The following NTHL1 variants were observed in gnomAD, a reference collection of about 807,000 sequenced individuals.
NTHL1 encodes the protein endonuclease III-like protein 1.
Under a neutral mutation model 32.3 loss-of-function variants are expected in NTHL1, and 32 were observed. That is an observed-to-expected ratio of 0.99 (90% confidence interval 0.75 to 1.33). NTHL1 has a LOEUF of 1.33. NTHL1 is among the 40% of genes most tolerant of loss of function. The pLI is 0.00. For missense variants in NTHL1, 501 were observed against 414.1 expected (o/e 1.21, Z -1.82); for synonymous variants, 188 against 176.9 (o/e 1.06, Z -0.50).
At chr16:2,040,617 C>T (rs1027980659) in intron 4 of NTHL1, 4 of 381,754 alleles carry the variant, frequency 1.0e-5, no homozygotes, top group East Asian at 5.8e-5. Flanking sequence ...AGCGACAGCT[C>T]GCTTGGACAA....
At position 2,040,065 on chromosome 16, in the gene NTHL1, G is replaced by T. The variant is rs2150938032; in HGVS notation, c.792-18C>A. The T allele has an allele frequency of 6.2e-7, 1 of 1,612,584 alleles. No homozygotes were observed. The highest frequency in any genetic ancestry group is 8.5e-7 in the Non-Finnish European group (1 of 1,180,006). On this transcript the variant is annotated intron_variant, in intron 5 of 5. Transcript: ENST00000651570. ...ACAGCTCCCTGTGGGGGTGGGGGCT[G>T]GGTCAGTGCTGACAGAGGGCGGGCG... is the stretch of plus-strand genomic sequence containing the variant.
At chr16:2,045,355 G>A (rs1056885663) in intron 2 of NTHL1, among the ~76,000 whole-genome samples, 1 of 152,034 alleles carries the variant, frequency 6.6e-6, no homozygotes, top group African/African-American at 2.4e-5. Context: ...AACCCAACAC[G>A]ATCGTATCTG....
chr16:2,046,225 T>C lies in NTHL1; in HGVS notation c.257A>G (p.Gln86Arg), dbSNP rs369262985. Residue 86 changes from glutamine (Q) to arginine (R), a missense_variant, in exon 2 of 6, where the codon CAA (glutamine) becomes CGA (arginine). By Grantham distance (43) the Gln-to-Arg change is conservative. Transcript: ENST00000651570. The part of the protein sequence containing the change: ...VPVWEPQDWQ[Q>R]QLVNIRAMRN... ...CATGGCACGGATGTTGACCAGCTGTTGCTGCCAGTCCTGGGGCTCCCAGAC... is the reference window on the plus strand; with the variant it reads ...CATGGCACGGATGTTGACCAGCTGTCGCTGCCAGTCCTGGGGCTCCCAGAC... 6 of 1,613,104 alleles carry C rather than the reference T, an allele frequency of 3.7e-6. No individual in the cohort carries two copies. The African/African-American group carries it at 6.7e-5, about 18-fold the overall frequency.
chr16:2,045,423 C>A (rs2084331899), intron 2 of NTHL1, among the ~76,000 whole-genome samples: 1 of 152,126 alleles, frequency 6.6e-6, no homozygotes, highest in Non-Finnish European at 1.5e-5. Context: ...CGTGAATCAT[C>A]ACACTACCCT....
intron 1 of NTHL1, 149 bp downstream of exon 1, chr16:2,047,560 G>A (rs1480547719): frequency 3.9e-6 from 5 of 1,290,052 alleles, no homozygotes; most frequent in African/African-American, 1.5e-5. Flanking sequence ...CGCAAGGTGG[G>A]AACGCAGGGC....
chr16:2,045,522 C>T (rs759156959), intron 2 of NTHL1, among the ~76,000 whole-genome samples: 20 of 152,208 alleles, frequency 1.3e-4, no homozygotes, highest in Non-Finnish European at 2.5e-4. Flanking sequence ...CTGCAACCTC[C>T]GCCTCCGGGG....
chr16:2,044,555 G>A lies in NTHL1; in HGVS notation c.525+75C>T, dbSNP rs2084314646. On this transcript the variant is annotated intron_variant, in intron 3 of 5. Transcript: ENST00000651570. The surrounding 1 kb of genome is among the most constrained non-coding windows in gnomAD (Gnocchi z 5.0). Reference sequence around the variant, plus strand: ...CTTGACCCTCACTTCCTGCACCGTCGCCACCCCCCTCAGCCTTCTGAGGTC... The same window carrying A: ...CTTGACCCTCACTTCCTGCACCGTCACCACCCCCCTCAGCCTTCTGAGGTC... 7.6e-6 allele frequency: 12 copies of A among 1,576,328 alleles called. No individual in the cohort carries two copies. The highest frequency in any genetic ancestry group is 2.2e-5 in the South Asian group (2 of 90,420).
chr16:2,046,257 C>G lies in NTHL1; in HGVS notation c.225G>C (p.Lys75Asn), dbSNP rs1432630427. ...SEKGEGAEPLKVPVWEPQDWQ... is the reference protein window; with the variant it reads ...SEKGEGAEPLNVPVWEPQDWQ... Reference sequence around the variant, plus strand: ...AGTCCTGGGGCTCCCAGACTGGCACCTTGAGGGGCTCAGCCCCCTCACCTT... The same window carrying G: ...AGTCCTGGGGCTCCCAGACTGGCACGTTGAGGGGCTCAGCCCCCTCACCTT... Residue 75 changes from lysine to asparagine, a missense_variant, in exon 2 of 6, where the codon AAG becomes AAC. By Grantham distance (94) the Lys-to-Asn change is moderately conservative. Coordinates refer to ENST00000651570, the MANE Select transcript of NTHL1 (RefSeq NM_002528.7). 1.2e-6 allele frequency: 2 copies of G among 1,613,148 alleles called. No individual in the cohort carries two copies. The highest frequency in any genetic ancestry group is 1.7e-6 in the Non-Finnish European group (2 of 1,180,008).
intron 4 of NTHL1, among the ~76,000 whole-genome samples, chr16:2,040,644 A>G (rs542715052): frequency 6.6e-6 from 1 of 152,322 alleles, no homozygotes; most frequent in Non-Finnish European, 1.5e-5. Context: ...GCTGGGGGCC[A>G]GACCCTGCCA....
rs1218864705 is a variant in NTHL1, at chr16:2,044,623, G to A, written c.525+7C>T. The A allele has an allele frequency of 6.2e-7, 1 of 1,601,906 alleles. No individual in the cohort carries two copies. Among genetic ancestry groups the A allele is most frequent in the Admixed American group, 1.7e-5 (1 of 60,022 alleles). On this transcript the variant is annotated splice_region_variant and intron_variant, in intron 3 of 5. Coordinates refer to ENST00000651570, the MANE Select transcript of NTHL1 (RefSeq NM_002528.7). The surrounding 1 kb of genome is among the most constrained non-coding windows in gnomAD (Gnocchi z 5.0). The stretch of plus-strand genomic sequence containing the variant: ...ACCCGGCCCCCGTTGCCACAGGCAG[G>A]GCTCACCCTCCAGAAACCGACGGGG...
Position 2,039,968 on chromosome 16 carries a change from C to T in NTHL1, c.871G>A (p.Ala291Thr), listed in dbSNP as rs763568491. The change falls in exon 6 of 6, where the codon GCC becomes ACC. Residue 291 changes from alanine to threonine, a missense_variant. Ala to Thr is a moderately conservative substitution (Grantham distance 58, BLOSUM62 0). Coordinates refer to ENST00000651570, the MANE Select transcript of NTHL1 (RefSeq NM_002528.7). ...TCLPVHPRCH[A>T]CLNQALCPAA... Reference sequence around the variant, plus strand: ...GGGCAGAGGGCTTGGTTGAGGCAGGCGTGGCAGCGAGGGTGCACAGGCAGA... The same window carrying T: ...GGGCAGAGGGCTTGGTTGAGGCAGGTGTGGCAGCGAGGGTGCACAGGCAGA... 1.9e-5 allele frequency: 31 copies of T among 1,608,018 alleles called. No individual in the cohort carries two copies. The highest frequency in any genetic ancestry group is 4.0e-5 in the African/African-American group (3 of 74,926).
intron 4 of NTHL1, among the ~76,000 whole-genome samples, chr16:2,040,936 G>A (rs975921410): frequency 6.6e-6 from 1 of 152,200 alleles, no homozygotes; most frequent in Non-Finnish European, 1.5e-5. Flanking sequence ...TGCCACTGCA[G>A]CGGTCAGGGA....
Position 2,043,877 on chromosome 16 carries a change from C to T in NTHL1, c.526-151G>A. 1.1e-6 allele frequency: 1 copy of T among 892,786 alleles called. No individual in the cohort carries two copies. Among genetic ancestry groups the T allele is most frequent in the Admixed American group, 2.1e-5 (1 of 46,916 alleles). The allele number at this position is 892,786 out of a possible 1,614,324, so 55.3% of individuals were successfully genotyped here. On this transcript the variant is annotated intron_variant, in intron 3 of 5. Coordinates refer to ENST00000651570, the MANE Select transcript of NTHL1 (RefSeq NM_002528.7). The surrounding 1 kb of genome is among the most constrained non-coding windows in gnomAD (Gnocchi z 4.4). Reference sequence around the variant, plus strand: ...GCCCCCGCCCCCCAGGAGGCGGGAACAAGCGGAGGGCAGCAGGGAGGCCCA... The same window carrying T: ...GCCCCCGCCCCCCAGGAGGCGGGAATAAGCGGAGGGCAGCAGGGAGGCCCA...
At chr16:2,046,000 C>T in intron 2 of NTHL1, 128 bp downstream of exon 2, 1 of 737,102 alleles carries the variant, frequency 1.4e-6, no homozygotes, top group South Asian at 1.6e-5. Flanking sequence ...TGCTCTGGGG[C>T]ACCGGGTGTC....
intron 1 of NTHL1, 71 bp downstream of exon 1, chr16:2,047,638 G>A: frequency 6.6e-7 from 1 of 1,509,408 alleles, no homozygotes; most frequent in Non-Finnish European, 8.8e-7. Flanking sequence ...AGCCGCAGGA[G>A]GCGGCCCGGG....
At chr16:2,041,086 C>T (rs887069784) in intron 4 of NTHL1, among the ~76,000 whole-genome samples, 65 of 152,380 alleles carry the variant, frequency 4.3e-4, no homozygotes, top group African/African-American at 1.5e-3. Flanking sequence ...GCTGCAGCCC[C>T]AGCCCTGCCT....
Position 2,044,028 on chromosome 16 carries a change from C to T in NTHL1, c.526-302G>A. The T allele has an allele frequency of 2.1e-6, 1 of 465,486 alleles. No individual in the cohort carries two copies. Among genetic ancestry groups the T allele is most frequent in the Non-Finnish European group, 4.0e-6 (1 of 251,470 alleles). The allele number at this position is 465,486 out of a possible 1,614,324, so 28.8% of individuals were successfully genotyped here. A position where few individuals can be genotyped will look rare whatever the true frequency, so the allele number is the denominator to read the frequency against. ...CCAGGCCAAGCAGGCCAGCCGCTCCCAGGAGTGGGGCTTGGCTGCACCTGC... is the reference window on the plus strand; with the variant it reads ...CCAGGCCAAGCAGGCCAGCCGCTCCTAGGAGTGGGGCTTGGCTGCACCTGC... On this transcript the variant is annotated intron_variant, in intron 3 of 5. Coordinates refer to ENST00000651570, the MANE Select transcript of NTHL1 (RefSeq NM_002528.7). This position sits in a 1 kb window ranked among gnomAD's most constrained non-coding sequence, Gnocchi z 5.0.
Position 2,044,796 on chromosome 16 carries a change from C to T in NTHL1, c.359G>A (p.Arg120His), listed in dbSNP as rs1324289477. The T allele has an allele frequency of 9.4e-6, 15 of 1,603,714 alleles. No individual in the cohort carries two copies. Among genetic ancestry groups the T allele is most frequent in the Middle Eastern group, 1.7e-4 (1 of 6,060 alleles). ...CYDSSAPPKVRRYQVLLSLML... is the reference protein window; with the variant it reads ...CYDSSAPPKVHRYQVLLSLML... Reference sequence around the variant, plus strand: ...CAGTGACAGCAGCACCTGGTACCTGCGTACCTGCTTGTGCAGTGACAGGGA... The same window carrying T: ...CAGTGACAGCAGCACCTGGTACCTGTGTACCTGCTTGTGCAGTGACAGGGA... The change falls in exon 3 of 6, where the codon CGC becomes CAC. Residue 120 changes from arginine (R) to histidine (H), a missense_variant. Arg to His is a conservative substitution (Grantham distance 29). Transcript: ENST00000651570. The surrounding 1 kb of genome is among the most constrained non-coding windows in gnomAD (Gnocchi z 5.0).
rs760945376 is a variant in NTHL1 at position 2,046,399 on chromosome 16, G to T, written c.116-33C>A. ...AAGCACCACGCAGTCCCTCTGGTGG[G>T]GCCACAGGTGAAGGTAGGGTAGGGG... On this transcript the variant is annotated intron_variant, in intron 1 of 5. Transcript: ENST00000651570. 6.9e-6 allele frequency: 11 copies of T among 1,583,648 alleles called. No individual in the cohort carries two copies. In the South Asian group the frequency reaches 1.2e-4, roughly 18 times the overall value.
Sources: allele counts gnomAD v4.1 joint callset (sites outside exome capture counted in the v4.1 genomes callset), GRCh38; gene constraint gnomAD v4.1.1; non-coding constraint Gnocchi (gnomAD v3.1); transcripts MANE v1.5; gene names NCBI Gene and HGNC (gene_info 2026-07-23, HGNC 2026-07-21).